The following NAV2 variants were observed in gnomAD, a reference collection of about 807,000 sequenced individuals.
NAV2 encodes helicase, APC down-regulated 1.
Under a neutral mutation model 223.2 loss-of-function variants are expected in NAV2, and 54 were observed. The observed-to-expected ratio is 0.24, with a 90% CI of 0.19 to 0.30. The LOEUF (loss-of-function observed/expected upper bound fraction) is 0.30. NAV2 is among the 10% of genes least tolerant of loss of function. The pLI is 1.00. For synonymous variants in NAV2, 1,279 were observed against 1,239.3 expected (o/e 1.03, Z -0.67); for missense variants, 2,806 against 3,147.5 (o/e 0.89, Z 2.60).
chr11:19,786,391 C>T (rs2057122629), intron 1 of NAV2, among the ~76,000 whole-genome samples: 1 of 152,192 alleles, frequency 6.6e-6, no homozygotes, highest in African/African-American at 2.4e-5. Context: ...CTAGAAACAA[C>T]ACAGCTCCTG....
intron 1 of NAV2, among the ~76,000 whole-genome samples, chr11:19,472,439 C>T (rs900198474): frequency 1.3e-5 from 2 of 151,968 alleles, no homozygotes; most frequent in East Asian, 3.9e-4. Context: ...TAGAACGATA[C>T]CAATAATAGA....
chr11:19,822,231 C>T (rs1295651336), intron 1 of NAV2, among the ~76,000 whole-genome samples: 1 of 152,130 alleles, frequency 6.6e-6, no homozygotes, highest in Non-Finnish European at 1.5e-5. Context: ...GCAACTGAGT[C>T]TCAGATAGGG....
At chr11:19,877,480 T>TC (rs1565478975) in intron 4 of NAV2, among the ~76,000 whole-genome samples, 1 of 135,800 alleles carries the variant, frequency 7.4e-6, no homozygotes, top group Non-Finnish European at 1.6e-5. Context: ...CTTTTTTTTT[T>TC]TTTTTTTTTT....
At position 19,729,132 on chromosome 11, in the gene NAV2, G is replaced by A. The variant is rs115246647; in HGVS notation, c.267+15170G>A. Among the ~76,000 whole-genome samples the A allele has an allele frequency of 6.0e-3, 919 of 152,160 alleles. 15 individuals carry two copies. The highest frequency in any genetic ancestry group is 0.021 in the African/African-American group (863 of 41,506). On this transcript the variant is annotated intron_variant, in intron 1 of 37. Transcript: ENST00000349880. ...ATGACCAAGTGAGTGTGCATAAGAT[G>A]GTCTGTAGCCTTCACTCTGACAAAG...
chr11:19,627,922 A>G (rs2047217705), intron 1 of NAV2, among the ~76,000 whole-genome samples: 1 of 117,676 alleles, frequency 8.5e-6, no homozygotes, highest in African/African-American at 2.7e-5. Context: ...CAAAAAAAAA[A>G]AAAAAAGAAG....
intron 11 of NAV2, among the ~76,000 whole-genome samples, chr11:20,003,592 AAGTT>A (rs1350729992): frequency 2.6e-5 from 4 of 151,948 alleles, no homozygotes; most frequent in African/African-American, 9.7e-5. Flanking sequence ...CTCCATCTCT[AAGTT>A]AGTTCTACTT....
At chr11:20,029,386 T>A (rs1422676514) in intron 11 of NAV2, among the ~76,000 whole-genome samples, 1 of 152,130 alleles carries the variant, frequency 6.6e-6, no homozygotes, top group East Asian at 1.9e-4. Flanking sequence ...GCTAAAAGCG[T>A]TGGTGGGCCC....
At chr11:19,921,874 C>T (rs1227483641) in intron 6 of NAV2, among the ~76,000 whole-genome samples, 4 of 152,152 alleles carry the variant, frequency 2.6e-5, no homozygotes, top group African/African-American at 9.7e-5. Flanking sequence ...AGGGCATGCT[C>T]TGTAAATGTT....
intron 6 of NAV2, among the ~76,000 whole-genome samples, chr11:19,903,412 A>T (rs189014731): frequency 2.8e-3 from 433 of 152,252 alleles, no homozygotes; most frequent in Middle Eastern, 6.8e-3. Context: ...GCTTGTTTTT[A>T]TGATGGCAAG....
At chr11:19,406,918 C>T (rs1849921480) in intron 1 of NAV2, among the ~76,000 whole-genome samples, 1 of 152,238 alleles carries the variant, frequency 6.6e-6, no homozygotes, top group Non-Finnish European at 1.5e-5. Context: ...GCCATGCCCA[C>T]TTCTACTCCC....
At chr11:19,598,047 C>T (rs2046253076) in intron 1 of NAV2, among the ~76,000 whole-genome samples, 1 of 152,240 alleles carries the variant, frequency 6.6e-6, no homozygotes, top group South Asian at 2.1e-4. Flanking sequence ...CTTCTGCTGC[C>T]CTGGGGGGCC....
intron 1 of NAV2, among the ~76,000 whole-genome samples, chr11:19,398,347 G>A (rs1401787549): frequency 1.3e-5 from 2 of 152,112 alleles, no homozygotes; most frequent in Admixed American, 6.5e-5. Context: ...ATGCATTCAT[G>A]AGCAATCAAC....
At chr11:20,001,870 G>A (rs949100250) in intron 11 of NAV2, among the ~76,000 whole-genome samples, 2 of 152,024 alleles carry the variant, frequency 1.3e-5, no homozygotes, top group African/African-American at 4.8e-5. Flanking sequence ...AAAAAATCAG[G>A]GCAAGCCTCC....
At chr11:19,456,643 C>G (rs528984600) in intron 1 of NAV2, among the ~76,000 whole-genome samples, 1 of 152,194 alleles carries the variant, frequency 6.6e-6, no homozygotes, top group Non-Finnish European at 1.5e-5. Context: ...AAGTCAACCC[C>G]AAGTCACTGA....
intron 36 of NAV2, among the ~76,000 whole-genome samples, chr11:20,110,572 C>T (rs370732125): frequency 1.3e-5 from 2 of 152,244 alleles, no homozygotes; most frequent in South Asian, 2.1e-4. Flanking sequence ...CGTGTTGGTG[C>T]CCAGGACTAG....
At chr11:19,676,458 T>A (rs148803134) in intron 1 of NAV2, among the ~76,000 whole-genome samples, 66 of 147,746 alleles carry the variant, frequency 4.5e-4, no homozygotes, top group African/African-American at 1.6e-3. Context: ...TTGAAGTCAG[T>A]GTTTCCCTCC....
rs537735560 is a variant in NAV2 at position 20,019,829 on chromosome 11, A to G, written c.2769-16130A>G. 5.9e-5 allele frequency among the ~76,000 whole-genome samples: 9 copies of G among 152,136 alleles called. No homozygotes were observed. The East Asian group carries it at 1.7e-3, about 30-fold the overall frequency. On this transcript the variant is annotated intron_variant, in intron 11 of 37. Coordinates refer to ENST00000349880, the MANE Select transcript of NAV2 (RefSeq NM_145117.5). ...GTAGGGTAAGGACAGAGAGTTGACC[A>G]TTGGCTTTGGCAAGGAGGAAGCCAT...
intron 11 of NAV2, among the ~76,000 whole-genome samples, chr11:19,987,762 T>C (rs1047147462): frequency 7.2e-5 from 11 of 152,216 alleles, no homozygotes; most frequent in African/African-American, 2.7e-4. Flanking sequence ...CTTGTCACTC[T>C]TTAGGGTTGC....
chr11:20,101,402 C>T (rs948680119), intron 32 of NAV2, among the ~76,000 whole-genome samples: 1 of 152,086 alleles, frequency 6.6e-6, no homozygotes, highest in Admixed American at 6.6e-5. Flanking sequence ...ATGTTATCCA[C>T]GATACATCTG....
Sources: gnomAD v4.1 joint callset for allele counts (sites outside exome capture counted in the v4.1 genomes callset) on GRCh38, gnomAD v4.1.1 for gene constraint, MANE v1.5 for transcripts, NCBI Gene and HGNC (gene_info 2026-07-23, HGNC 2026-07-21) for gene names.